The following HYAL4 variants were observed in gnomAD, a reference collection of about 807,000 sequenced individuals.
HYAL4 encodes the protein hyaluronidase-4.
Under a neutral mutation model 35.2 loss-of-function variants are expected in HYAL4, and 37 were observed. The observed-to-expected ratio is 1.05, with a 90% CI of 0.81 to 1.38. The LOEUF (loss-of-function observed/expected upper bound fraction) is 1.38, where lower values mean the gene tolerates loss of function less well. HYAL4 is among the 40% of genes most tolerant of loss of function. The pLI is 0.00. For synonymous variants in HYAL4, 198 were observed against 203.2 expected, an observed-to-expected ratio of 0.97 and a Z score of 0.22; for missense variants, 572 against 572.4, an observed-to-expected ratio of 1.00 and a Z score of 0.01.
chr7:123,814,919 A>G, the HYAL4 span: 4 of 152,624 alleles, frequency 2.6e-5, no homozygotes, highest in Admixed American at 6.5e-5. Flanking sequence ...TTTGTTCACT[A>G]TCGAGTTAGA....
At chr7:123,862,690 AC>A (rs145013456) in intron 2 of HYAL4, among the ~76,000 whole-genome samples, 14,861 of 152,278 alleles carry the variant, frequency 0.098, 968 homozygotes, top group Non-Finnish European at 0.14. Flanking sequence ...CTCATAAATA[AC>A]TGGTTTGAAC....
intron 1 of HYAL4, among the ~76,000 whole-genome samples, chr7:123,832,010 C>T (rs1055386890): frequency 2.6e-5 from 4 of 151,872 alleles, no homozygotes; most frequent in Admixed American, 2.0e-4. Flanking sequence ...TTTAGGTCTG[C>T]TTTTATATTT....
At chr7:123,872,978 C>T (rs1806921246) in intron 3 of HYAL4, among the ~76,000 whole-genome samples, 1 of 152,170 alleles carries the variant, frequency 6.6e-6, no homozygotes, top group African/African-American at 2.4e-5. Context: ...CCTTATTCTC[C>T]TTTGATGACA....
At chr7:123,807,914 AATT>A in the HYAL4 span, among the ~76,000 whole-genome samples, 2,847 of 136,540 alleles carry the variant, frequency 0.021, 38 homozygotes, top group Non-Finnish European at 0.024. Flanking sequence ...TTAGCTGGAT[AATT>A]ATTATTATTA....
intron 2 of HYAL4, among the ~76,000 whole-genome samples, chr7:123,866,979 T>C (rs1051769930): frequency 6.6e-6 from 1 of 152,114 alleles, no homozygotes; most frequent in African/African-American, 2.4e-5. Context: ...TTGGTAGAGA[T>C]GGGGTTTCCC....
the HYAL4 span, among the ~76,000 whole-genome samples, chr7:123,801,017 T>C: frequency 6.6e-6 from 1 of 152,062 alleles, no homozygotes; most frequent in African/African-American, 2.4e-5. Context: ...CACTATTAAT[T>C]AAAAATAGAA....
the HYAL4 span, among the ~76,000 whole-genome samples, chr7:123,803,797 TTTC>T: frequency 1.3e-5 from 2 of 152,198 alleles, no homozygotes; most frequent in Non-Finnish European, 2.9e-5. Context: ...GCCCTTTGTC[TTTC>T]TTCTTCTGCA....
At chr7:123,875,677 A>G (rs1563006665) in intron 4 of HYAL4, among the ~76,000 whole-genome samples, 1 of 151,808 alleles carries the variant, frequency 6.6e-6, no homozygotes, top group Admixed American at 6.6e-5. Context: ...AAAAAAGAAA[A>G]AAAAAAGATT....
Position 123,877,291 on chromosome 7 carries a change from T to G in HYAL4, c.*136T>G, listed in dbSNP as rs1807054900. ...TAGACATTATGTATGTCACTTAACATAAACAGAAACATTATTTTATTTGCC... is the reference window on the plus strand; with the variant it reads ...TAGACATTATGTATGTCACTTAACAGAAACAGAAACATTATTTTATTTGCC... On this transcript the variant is annotated 3_prime_UTR_variant, in exon 5 of 5. Transcript: ENST00000223026. 1.1e-6 allele frequency: 1 copy of G among 871,138 alleles called. No homozygotes were observed. Among genetic ancestry groups the G allele is most frequent in the African/African-American group, 1.7e-5 (1 of 58,886 alleles). The allele number at this position is 871,138 out of a possible 1,614,324, so 54.0% of individuals were successfully genotyped here.
At chr7:123,794,618 A>G in the HYAL4 span, among the ~76,000 whole-genome samples, 2 of 152,242 alleles carry the variant, frequency 1.3e-5, no homozygotes, top group Non-Finnish European at 2.9e-5. Context: ...ATAAGTCCCA[A>G]GCCTTGGCAG....
chr7:123,785,251 A>T, the HYAL4 span, among the ~76,000 whole-genome samples: 1 of 151,102 alleles, frequency 6.6e-6, no homozygotes, highest in Admixed American at 6.6e-5. The surrounding 1 kb of genome is among the most constrained non-coding windows in gnomAD (Gnocchi z 4.5). Flanking sequence ...ACGCCTGGTT[A>T]TTTTTTTTTA....
At position 123,835,838 on chromosome 7, in the gene HYAL4, A is replaced by G. The variant is rs573953606; in HGVS notation, c.-257+6714A>G. 3.9e-5 allele frequency among the ~76,000 whole-genome samples: 6 copies of G among 152,256 alleles called. No homozygotes were observed. The East Asian group carries it at 5.8e-4, about 15-fold the overall frequency. On this transcript the variant is annotated intron_variant, in intron 1 of 4. Transcript: ENST00000489978. The stretch of plus-strand genomic sequence containing the variant: ...CCTTCTTTATTTCACTGTTGACCCA[A>G]TGATCATTCAGGAGCAGGTTTAATT...
the HYAL4 span, among the ~76,000 whole-genome samples, chr7:123,821,919 T>G: frequency 1.8e-4 from 27 of 152,210 alleles, no homozygotes; most frequent in African/African-American, 6.3e-4. Flanking sequence ...TTCTCTGTTG[T>G]GTTCTTGGCA....
the HYAL4 span, among the ~76,000 whole-genome samples, chr7:123,785,251 AT>A: frequency 3.3e-5 from 5 of 151,204 alleles, no homozygotes; most frequent in Non-Finnish European, 7.4e-5. This position sits in a 1 kb window ranked among gnomAD's most constrained non-coding sequence, Gnocchi z 4.5. Context: ...ACGCCTGGTT[AT>A]TTTTTTTTAT....
the HYAL4 span, among the ~76,000 whole-genome samples, chr7:123,816,224 A>G: frequency 6.6e-6 from 1 of 152,104 alleles, no homozygotes; most frequent in Non-Finnish European, 1.5e-5. Context: ...ACTTCATACC[A>G]CTAGTTCTAA....
At chr7:123,764,678 T>C in the HYAL4 span, among the ~76,000 whole-genome samples, 1 of 152,322 alleles carries the variant, frequency 6.6e-6, no homozygotes, top group African/African-American at 2.4e-5. Context: ...CTTTTTCTGC[T>C]AAATAATCTT....
chr7:123,870,632 G>A (rs1244024149), intron 3 of HYAL4, among the ~76,000 whole-genome samples: 1 of 151,680 alleles, frequency 6.6e-6, no homozygotes, highest in Non-Finnish European at 1.5e-5. Context: ...TGTGGTGGTG[G>A]GTACCTGTAA....
intron 1 of HYAL4, among the ~76,000 whole-genome samples, chr7:123,830,964 CTT>C (rs1476056209): frequency 2.0e-5 from 3 of 152,130 alleles, no homozygotes; most frequent in Non-Finnish European, 4.4e-5. Context: ...TTGCTAACCT[CTT>C]TTTCTAGAAT....
chr7:123,806,795 C>T, the HYAL4 span, among the ~76,000 whole-genome samples: 9 of 152,196 alleles, frequency 5.9e-5, no homozygotes, highest in African/African-American at 2.2e-4. Flanking sequence ...TCTCTCTCTT[C>T]CTTTCACCTC....
Sources: gnomAD v4.1 joint callset for allele counts (sites outside exome capture counted in the v4.1 genomes callset) on GRCh38, gnomAD v4.1.1 for gene constraint, Gnocchi (gnomAD v3.1) non-coding constraint, MANE v1.5 for transcripts, NCBI Gene and HGNC (gene_info 2026-07-23, HGNC 2026-07-21) for gene names.